Variants in DCAF8 observed in about 807,000 individuals in gnomAD.
DCAF8 encodes DDB1- and CUL4-associated factor 8.
Under a neutral mutation model 68.0 loss-of-function variants are expected in DCAF8, and 20 were observed. The observed-to-expected ratio is 0.29, with a 90% CI of 0.21 to 0.43. The LOEUF (loss-of-function observed/expected upper bound fraction) is 0.43. Ranked by LOEUF, DCAF8 falls within the 20% of genes least tolerant of loss-of-function variation. DCAF8 has a pLI of 1.00. For missense variants in DCAF8, 460 were observed against 771.0 expected, an observed-to-expected ratio of 0.60 and a Z score of 4.78; for synonymous variants, 230 against 276.9, an observed-to-expected ratio of 0.83 and a Z score of 1.68.
At chr1:160,251,659 G>T (rs1323788197) in intron 2 of DCAF8, among the ~76,000 whole-genome samples, 4 of 152,028 alleles carry the variant, frequency 2.6e-5, no homozygotes, top group African/African-American at 9.7e-5. Flanking sequence ...AGAGATGGTG[G>T]TGGGGAACAT....
chr1:160,261,233 A>AG (rs1657078195), intron 2 of DCAF8, 52 bp downstream of exon 2: 1 of 152,216 alleles, frequency 6.6e-6, no homozygotes. Context: ...GTTGAGCATC[A>AG]GCGCAGTCTG....
intron 13 of DCAF8, 195 bp from the exon 14 acceptor site, chr1:160,217,903 C>T (rs1213714631): frequency 7.4e-6 from 4 of 542,990 alleles, no homozygotes; most frequent in Non-Finnish European, 9.7e-6. Context: ...GCGTGAAGGC[C>T]GCCACAGACA....
At chr1:160,242,781 C>A (rs1656170743) in intron 3 of DCAF8, among the ~76,000 whole-genome samples, 1 of 152,184 alleles carries the variant, frequency 6.6e-6, no homozygotes, top group African/African-American at 2.4e-5. Context: ...TGACTGTATT[C>A]CAATAAAACT....
intron 7 of DCAF8, among the ~76,000 whole-genome samples, chr1:160,228,371 G>A (rs1655551074): frequency 6.6e-6 from 1 of 152,122 alleles, no homozygotes; most frequent in Non-Finnish European, 1.5e-5. Context: ...CAGTGTTGCT[G>A]ATGTTGGCTT....
rs1319327817 is a variant in DCAF8, at chr1:160,240,183, G to T, written c.237C>A (p.Asp79Glu). The change falls in exon 4 of 14, where the codon GAC becomes GAA. Residue 79 changes from aspartate to glutamate, a missense_variant. Around this residue, in one of 8 missense-constraint regions of DCAF8, gnomAD observed 156 missense variants for 181.4 expected, o/e 0.86. Coordinates refer to ENST00000368074, the MANE Select transcript of DCAF8 (RefSeq NM_015726.4). ...AGTAATGACCAGTGTCCTCCATGCT[G>T]TCAGAGTCCTTATCTTCACCTGAGC... ...TESSGEDKDS[D>E]SMEDTGHYSI... 1 of 1,613,778 alleles carries T rather than the reference G, an allele frequency of 6.2e-7. No individual in the cohort carries two copies. The highest frequency in any genetic ancestry group is 2.2e-5 in the East Asian group (1 of 44,892).
rs559066163 is a variant in DCAF8 at position 160,235,106 on chromosome 1, T to G, written c.959+2029A>C. Among the ~76,000 whole-genome samples the G allele has an allele frequency of 1.6e-4, 24 of 152,302 alleles. No homozygotes were observed. The South Asian group carries it at 5.0e-3, about 32-fold the overall frequency. ...ATCATTGCCATCCCTTACTCAATAC[T>G]GGTACTGACCTATAAGATCTGTTAT... is the stretch of plus-strand genomic sequence containing the variant. On this transcript the variant is annotated intron_variant, in intron 6 of 13. Coordinates refer to ENST00000368074, the MANE Select transcript of DCAF8 (RefSeq NM_015726.4).
At position 160,241,189 on chromosome 1, in the gene DCAF8, A is replaced by T. The variant is rs1022635715; in HGVS notation, c.50-819T>A. 2.6e-5 allele frequency among the ~76,000 whole-genome samples: 4 copies of T among 152,070 alleles called. No individual in the cohort carries two copies. The East Asian group carries it at 5.8e-4, about 22-fold the overall frequency. ...GTACCACTACACCTTCTGTCACCTAAATCCTAAGCTTCTTCCCCACCTAAG... is the reference window on the plus strand; with the variant it reads ...GTACCACTACACCTTCTGTCACCTATATCCTAAGCTTCTTCCCCACCTAAG... On this transcript the variant is annotated intron_variant, in intron 3 of 13. Coordinates refer to ENST00000368074, the MANE Select transcript of DCAF8 (RefSeq NM_015726.4).
chr1:160,259,401 C>T (rs562377772), intron 2 of DCAF8, among the ~76,000 whole-genome samples: 9 of 152,162 alleles, frequency 5.9e-5, no homozygotes, highest in African/African-American at 2.2e-4. Context: ...GGCATGGTGG[C>T]GCATGCCTGT....
At position 160,218,382 on chromosome 1, in the gene DCAF8, A is replaced by G; in HGVS notation, c.1619T>C (p.Phe540Ser). ...DEDSLHQTDL[F>S]DSHMLWFLMH... ...AAGGAACCACAGCATGTGACTATCAAACAGGTCAGTTTGGTGCAAGCTATC... is the reference window on the plus strand; with the variant it reads ...AAGGAACCACAGCATGTGACTATCAGACAGGTCAGTTTGGTGCAAGCTATC... Residue 540 changes from phenylalanine (F) to serine (S), a missense_variant, in exon 13 of 14, where the codon TTT (phenylalanine) becomes TCT (serine). By Grantham distance (155) the Phe-to-Ser change is radical. Coordinates refer to ENST00000368074, the MANE Select transcript of DCAF8 (RefSeq NM_015726.4). 1 of 1,614,222 alleles carries G rather than the reference A, an allele frequency of 6.2e-7. No individual in the cohort carries two copies. Among genetic ancestry groups the G allele is most frequent in the Non-Finnish European group, 8.5e-7 (1 of 1,180,040 alleles).
chr1:160,255,173 G>C (rs913161130), intron 2 of DCAF8, among the ~76,000 whole-genome samples: 2 of 152,186 alleles, frequency 1.3e-5, no homozygotes, highest in African/African-American at 4.8e-5. Context: ...AAAGAATTCA[G>C]AGAGCTCCGT....
intron 1 of DCAF8, chr1:160,261,673 G>C (rs1185878694): frequency 1.3e-5 from 2 of 152,194 alleles, no homozygotes; most frequent in Non-Finnish European, 2.9e-5. Context: ...GAGCAGGGGG[G>C]GAAATCCCGG....
At chr1:160,242,580 T>C (rs1656160877) in intron 3 of DCAF8, among the ~76,000 whole-genome samples, 1 of 152,142 alleles carries the variant, frequency 6.6e-6, no homozygotes, top group Non-Finnish European at 1.5e-5. Flanking sequence ...CCAGAGGGTA[T>C]CACAAGCTCA....
At position 160,225,562 on chromosome 1, in the gene DCAF8, T is replaced by C. The variant is rs754014819; in HGVS notation, c.1143+29A>G. On this transcript the variant is annotated intron_variant, in intron 8 of 13. Coordinates refer to ENST00000368074, the MANE Select transcript of DCAF8 (RefSeq NM_015726.4). Reference sequence around the variant, plus strand: ...GCCTTGGGGTTGAGTCAGGGAAGCCTGCAGCAACTGGCCCTTCATGAATCT... The same window carrying C: ...GCCTTGGGGTTGAGTCAGGGAAGCCCGCAGCAACTGGCCCTTCATGAATCT... 7 of 1,587,960 alleles carry C rather than the reference T, an allele frequency of 4.4e-6. No individual in the cohort carries two copies. In the East Asian group the frequency reaches 1.6e-4, roughly 36 times the overall value.
chr1:160,247,180 G>T (rs535438787), intron 2 of DCAF8, among the ~76,000 whole-genome samples: 3 of 152,212 alleles, frequency 2.0e-5, no homozygotes, highest in Admixed American at 2.0e-4. Context: ...TGAGCTCACT[G>T]TCCCAGGTAG....
chr1:160,220,895 T>C (rs1320576214), intron 11 of DCAF8: 1 of 152,172 alleles, frequency 6.6e-6, no homozygotes, highest in Non-Finnish European at 1.5e-5. Flanking sequence ...GCTGGAAAAT[T>C]AGGACCAAAA....
intron 6 of DCAF8, 66 bp from the exon 7 acceptor site, chr1:160,231,473 G>C (rs1655681845): frequency 8.9e-7 from 1 of 1,122,372 alleles, no homozygotes; most frequent in Non-Finnish European, 1.3e-6. Context: ...TGGCAAAGGA[G>C]AGCCAAGAGA....
intron 4 of DCAF8, 134 bp from the exon 5 acceptor site, chr1:160,238,881 T>C (rs1266213674): frequency 3.8e-6 from 4 of 1,060,814 alleles, no homozygotes; most frequent in Non-Finnish European, 3.9e-6. Context: ...TTTCCTACTC[T>C]TGTACAGCTG....
rs925827371 is a variant in DCAF8 at position 160,240,375 on chromosome 1, A to G, written c.50-5T>C. ...CTGGACTGCTAGACAGGCTTCCTGC[A>G]TGTTAGTGAGGAAGGAGTAGAGGAG... is the stretch of plus-strand genomic sequence containing the variant. On this transcript the variant is annotated splice_polypyrimidine_tract_variant and splice_region_variant and intron_variant, in intron 3 of 13. Transcript: ENST00000368074. The G allele has an allele frequency of 1.9e-6, 3 of 1,602,166 alleles. No individual in the cohort carries two copies. Among genetic ancestry groups the G allele is most frequent in the African/African-American group, 1.3e-5 (1 of 74,708 alleles).
chr1:160,239,510 C>T, intron 4 of DCAF8, 187 bp downstream of exon 4: 1 of 1,496,052 alleles, frequency 6.7e-7, no homozygotes, highest in South Asian at 1.3e-5. Context: ...AGTCCACATG[C>T]TCAAGGAATC....
Sources: gnomAD v4.1 joint callset for allele counts (sites outside exome capture counted in the v4.1 genomes callset) on GRCh38, gnomAD v4.1.1 for gene constraint, gnomAD v4.1.1 regional missense constraint, MANE v1.5 for transcripts, NCBI Gene and HGNC (gene_info 2026-07-23, HGNC 2026-07-21) for gene names.